The following APBA2 variants were observed in gnomAD, a reference collection of about 807,000 sequenced individuals.
The protein encoded by APBA2 is amyloid beta precursor protein binding family A member 2.
A neutral mutation model predicts 75.0 loss-of-function variants in APBA2; 30 were observed. The ratio of observed to expected loss-of-function variants is 0.40; its 90% CI spans 0.30 to 0.54. The LOEUF is 0.54. APBA2 is among the 20% of genes least tolerant of loss of function. The probability of loss-of-function intolerance (pLI) is 0.49; values close to 1 mark genes in which losing one functional copy is unlikely to be tolerated. For missense variants in APBA2, 801 were observed against 1,016.1 expected, an observed-to-expected ratio of 0.79 and a Z score of 2.88; for synonymous variants, 444 against 409.6, an observed-to-expected ratio of 1.08 and a Z score of -1.01.
chr15:28,985,408 C>G (rs929333699), intron 2 of APBA2, among the ~76,000 whole-genome samples: 3 of 152,204 alleles, frequency 2.0e-5, no homozygotes, highest in African/African-American at 7.2e-5. Context: ...ATTTTCCTAA[C>G]AAGCCGAGGT....
At chr15:28,904,004 A>G (rs2033009676) in intron 1 of APBA2, among the ~76,000 whole-genome samples, 1 of 152,214 alleles carries the variant, frequency 6.6e-6, no homozygotes, top group Non-Finnish European at 1.5e-5. Flanking sequence ...TCTGTATGTC[A>G]AAAAGTGATC....
intron 3 of APBA2, among the ~76,000 whole-genome samples, chr15:29,047,279 C>A: frequency 6.6e-6 from 1 of 152,262 alleles, no homozygotes; most frequent in Middle Eastern, 3.4e-3. Flanking sequence ...TTACCCTTTG[C>A]ACTCATGGGA....
At chr15:28,994,572 C>G (rs373493292) in intron 2 of APBA2, among the ~76,000 whole-genome samples, 2 of 152,162 alleles carry the variant, frequency 1.3e-5, no homozygotes, top group African/African-American at 4.8e-5. Flanking sequence ...ATGGAAACAT[C>G]TTTAGCCTCC....
intron 2 of APBA2, among the ~76,000 whole-genome samples, chr15:28,989,495 C>A (rs974410566): frequency 6.6e-6 from 1 of 152,196 alleles, no homozygotes; most frequent in Non-Finnish European, 1.5e-5. Context: ...ACAGGCGTCA[C>A]CATGGCCAGA....
At chr15:29,045,097 C>G (rs866139986) in intron 3 of APBA2, among the ~76,000 whole-genome samples, 1 of 124,186 alleles carries the variant, frequency 8.1e-6, no homozygotes, top group Non-Finnish European at 1.5e-5. Context: ...CTCTCTCTCT[C>G]TCTCTCGTCT....
At chr15:29,084,559 A>G (rs1209704912) in intron 6 of APBA2, among the ~76,000 whole-genome samples, 1 of 152,216 alleles carries the variant, frequency 6.6e-6, no homozygotes, top group East Asian at 1.9e-4. Flanking sequence ...TCTGTTTTTA[A>G]AAATAATTTC....
At chr15:29,047,685 G>T (rs1033048159) in intron 3 of APBA2, among the ~76,000 whole-genome samples, 7 of 152,178 alleles carry the variant, frequency 4.6e-5, no homozygotes, top group Non-Finnish European at 1.0e-4. Context: ...GTGCAGGGCA[G>T]GGTAGTTAGA....
intron 3 of APBA2, among the ~76,000 whole-genome samples, chr15:29,039,496 TC>T (rs2040925803): frequency 6.6e-6 from 1 of 152,160 alleles, no homozygotes; most frequent in South Asian, 2.1e-4. Context: ...TGGCTGCATG[TC>T]AGCCACCCAG....
At chr15:28,892,221 C>T (rs2032177782) in intron 1 of APBA2, among the ~76,000 whole-genome samples, 1 of 152,178 alleles carries the variant, frequency 6.6e-6, no homozygotes, top group South Asian at 2.1e-4. Context: ...ACTACAGGCA[C>T]CTGCCACCAC....
At chr15:29,105,579 T>C (rs371635211) in intron 11 of APBA2, 21 bp downstream of exon 11, 2 of 1,612,238 alleles carry the variant, frequency 1.2e-6, no homozygotes, top group African/African-American at 1.3e-5. Flanking sequence ...CCCACCAGCC[T>C]CAGGGAGGCC....
chr15:29,117,067 C>T lies in APBA2; in HGVS notation c.2184C>T (p.His728=), dbSNP rs1452735208. 1.9e-6 allele frequency: 3 copies of T among 1,613,180 alleles called. No individual in the cohort carries two copies. The highest frequency in any genetic ancestry group is 1.7e-4 in the Middle Eastern group (1 of 6,058). The part of the protein sequence containing the change: ...QALSNSVGEI[H]MKTMPAAMFR... ...CCTCCTGTTTCTGTCCGCAGATCCA[C>T]ATGAAGACCATGCCCGCCGCCATGT... The change falls in exon 15 of 15, where the codon CAC becomes CAT. Residue 728 remains histidine (H), a synonymous_variant. Coordinates refer to ENST00000683413, the MANE Select transcript of APBA2 (RefSeq NM_001353788.2).
rs571838348 is a variant in APBA2, at chr15:28,918,033, C to T, written c.-204-3607C>T. Among the ~76,000 whole-genome samples the T allele has an allele frequency of 1.3e-5, 2 of 152,322 alleles. No homozygotes were observed. Among genetic ancestry groups the T allele is most frequent in the Admixed American group, 6.5e-5 (1 of 15,310 alleles). ...ATGCCACTGTGGGGCAAGGAAGCTG[C>T]CCCCAGTCGGTCCCCGAGGATTCTG... On this transcript the variant is annotated intron_variant, in intron 1 of 14. Coordinates refer to ENST00000683413, the MANE Select transcript of APBA2 (RefSeq NM_001353788.2). The surrounding 1 kb of genome is among the most constrained non-coding windows in gnomAD (Gnocchi z 4.2).
intron 2 of APBA2, among the ~76,000 whole-genome samples, chr15:28,943,283 C>T (rs2035340186): frequency 6.6e-6 from 1 of 152,184 alleles, no homozygotes; most frequent in Non-Finnish European, 1.5e-5. Context: ...CTGCCTCTGC[C>T]TGGGAGTGAC....
At chr15:29,078,266 C>T (rs767032947) in intron 6 of APBA2, among the ~76,000 whole-genome samples, 1 of 151,286 alleles carries the variant, frequency 6.6e-6, no homozygotes, top group Non-Finnish European at 1.5e-5. Context: ...TATACGCCAG[C>T]CTGGCAACAG....
At chr15:28,943,238 G>A (rs2035337832) in intron 2 of APBA2, among the ~76,000 whole-genome samples, 1 of 152,158 alleles carries the variant, frequency 6.6e-6, no homozygotes, top group South Asian at 2.1e-4. Context: ...CTGGGACACC[G>A]GTTCTGGCCA....
chr15:28,949,658 G>A (rs765952657), intron 2 of APBA2, among the ~76,000 whole-genome samples: 6 of 152,110 alleles, frequency 3.9e-5, no homozygotes, highest in Non-Finnish European at 8.8e-5. Flanking sequence ...TTGTAGAAAC[G>A]GGGTCTCACT....
In APBA2 at chr15:28,932,065, C is replaced by T. The variant is rs567040688; in HGVS notation, c.-95+10316C>T. On this transcript the variant is annotated intron_variant, in intron 2 of 14. Transcript: ENST00000683413. ...TCCCAGGGGATACGGCCACACAGGC[C>T]ACAGTTGCCTAGACCGACCTGGTGT... 7.2e-5 allele frequency among the ~76,000 whole-genome samples: 11 copies of T among 152,292 alleles called. No individual in the cohort carries two copies. In the South Asian group the frequency reaches 2.3e-3, roughly 32 times the overall value.
chr15:28,925,725 T>C (rs2034224316), intron 2 of APBA2, among the ~76,000 whole-genome samples: 2 of 152,196 alleles, frequency 1.3e-5, no homozygotes. Flanking sequence ...ACTGTCCTTG[T>C]TGATTTTCTG....
intron 2 of APBA2, among the ~76,000 whole-genome samples, chr15:28,969,181 T>TTTCC (rs1566855781): frequency 1.3e-5 from 2 of 148,800 alleles, no homozygotes; most frequent in Admixed American, 6.7e-5. Flanking sequence ...TCTTTCTTTC[T>TTTCC]TTTTTTTATT....
Sources: allele counts gnomAD v4.1 joint callset (sites outside exome capture counted in the v4.1 genomes callset), GRCh38; gene constraint gnomAD v4.1.1; non-coding constraint Gnocchi (gnomAD v3.1); transcripts MANE v1.5; gene names NCBI Gene and HGNC (gene_info 2026-07-23, HGNC 2026-07-21).